Variants in PARP16 observed in about 807,000 individuals in gnomAD.
PARP16 encodes the protein protein mono-ADP-ribosyltransferase PARP16.
In PARP16, 31 loss-of-function variants were observed where a neutral mutation model predicts 35.0. That is an observed-to-expected ratio of 0.88 (90% CI 0.66 to 1.19). PARP16 has a LOEUF of 1.19. PARP16 is among the 50% of genes most tolerant of loss of function. The pLI is 0.00. For synonymous variants in PARP16, 162 were observed against 169.5 expected (o/e 0.96, Z 0.34); for missense variants, 424 against 411.2 (o/e 1.03, Z -0.27).
chr15:65,270,011 T>C (rs1483344032), intron 2 of PARP16, among the ~76,000 whole-genome samples: 1 of 152,234 alleles, frequency 6.6e-6, no homozygotes, highest in African/African-American at 2.4e-5. Flanking sequence ...GGGCTCTTTA[T>C]GGTATTTTAA....
At chr15:65,260,131 G>A (rs953868608) in intron 5 of PARP16, among the ~76,000 whole-genome samples, 2 of 152,120 alleles carry the variant, frequency 1.3e-5, no homozygotes, top group African/African-American at 2.4e-5. Context: ...GACAGGGGTC[G>A]GGAGGAGACT....
chr15:65,276,377 G>GT (rs1003982077), intron 1 of PARP16, among the ~76,000 whole-genome samples: 8 of 151,778 alleles, frequency 5.3e-5, no homozygotes, highest in African/African-American at 9.7e-5. Context: ...GACCCATTTT[G>GT]TTTTTTTTAA....
At chr15:65,264,022 T>C (rs1367693600) in intron 3 of PARP16, among the ~76,000 whole-genome samples, 1 of 151,982 alleles carries the variant, frequency 6.6e-6, no homozygotes, top group Non-Finnish European at 1.5e-5. Flanking sequence ...ATAAATAAAT[T>C]AGAAATTAGT....
At chr15:65,282,210 G>A (rs376985748) in intron 1 of PARP16, among the ~76,000 whole-genome samples, 1 of 151,954 alleles carries the variant, frequency 6.6e-6, no homozygotes, top group Non-Finnish European at 1.5e-5. Flanking sequence ...ACAGGGTTTC[G>A]CCATGTTGCC....
chr15:65,266,583 G>A lies in PARP16; in HGVS notation c.498C>T (p.Gly166=). 2 of 1,613,668 alleles carry A rather than the reference G, an allele frequency of 1.2e-6. No homozygotes were observed. The highest frequency in any genetic ancestry group is 1.3e-5 in the African/African-American group (1 of 75,014). Residue 166 remains glycine (G), a synonymous_variant, in exon 3 of 6, where the codon GGC becomes GGT. Transcript: ENST00000649807. Reference sequence around the variant, plus strand: ...CCACCTTGTTCAGATGGCAGTGCAGGCCATTGTGGATAATGGAATGGAAGT... The same window carrying A: ...CCACCTTGTTCAGATGGCAGTGCAGACCATTGTGGATAATGGAATGGAAGT... ...LENFHSIIHN[G]LHCHLNKTSL... is the part of the protein sequence containing the mutation.
chr15:65,279,731 G>A (rs1177956615), intron 1 of PARP16, among the ~76,000 whole-genome samples: 1 of 152,084 alleles, frequency 6.6e-6, no homozygotes. Flanking sequence ...CATCCAGCAG[G>A]TATGGGTGCT....
At chr15:65,257,383 G>A (rs1185559480), downstream of PARP16, among the ~76,000 whole-genome samples, 2 of 151,108 alleles carry the variant, frequency 1.3e-5, no homozygotes, top group African/African-American at 4.9e-5. Context: ...GCAATGAGCT[G>A]AGATTGCACC....
At chr15:65,285,314 T>C (rs1164642665) in intron 1 of PARP16, 1 of 159,692 alleles carries the variant, frequency 6.3e-6, no homozygotes, top group African/African-American at 2.4e-5. Flanking sequence ...ACTTTTTGTA[T>C]TTTTAATAGA....
At chr15:65,285,100 T>C (rs2090544567) in intron 1 of PARP16, among the ~76,000 whole-genome samples, 1 of 151,268 alleles carries the variant, frequency 6.6e-6, no homozygotes, top group Non-Finnish European at 1.5e-5. Flanking sequence ...TTTTCTACAA[T>C]AGTCTAGAAA....
chr15:65,260,507 C>T (rs1288638791), intron 5 of PARP16, among the ~76,000 whole-genome samples: 1 of 152,180 alleles, frequency 6.6e-6, no homozygotes, highest in African/African-American at 2.4e-5. Context: ...ACTGAGCCAG[C>T]CTGTGCACAA....
intron 3 of PARP16, 68 bp downstream of exon 3, chr15:65,266,493 CT>C: frequency 7.5e-7 from 1 of 1,327,846 alleles, no homozygotes; most frequent in Non-Finnish European, 1.1e-6. Flanking sequence ...GGTTCTGAAT[CT>C]CCCCCTCCCC....
downstream of PARP16, among the ~76,000 whole-genome samples, chr15:65,232,785 G>A (rs1014214636): frequency 1.3e-5 from 2 of 152,112 alleles, no homozygotes; most frequent in Non-Finnish European, 2.9e-5. Flanking sequence ...GCTGGGTGCA[G>A]TGGGTCACAC....
At chr15:65,237,106 G>T (rs985854788) in intron 3 of PARP16, among the ~76,000 whole-genome samples, 2 of 151,380 alleles carry the variant, frequency 1.3e-5, no homozygotes, top group Non-Finnish European at 3.0e-5. Flanking sequence ...CCAGCCAGAC[G>T]CTGAGTCAGG....
chr15:65,280,828 T>G (rs553576912), intron 1 of PARP16, among the ~76,000 whole-genome samples: 1 of 152,294 alleles, frequency 6.6e-6, no homozygotes, highest in East Asian at 1.9e-4. Flanking sequence ...AAAGACTCCT[T>G]ACTCCTCCAG....
At chr15:65,248,560 C>T (rs998157667) in intron 2 of PARP16, among the ~76,000 whole-genome samples, 8 of 152,174 alleles carry the variant, frequency 5.3e-5, no homozygotes, top group Non-Finnish European at 1.5e-5. Flanking sequence ...CTGCAACCAG[C>T]AATGCAGCTG....
chr15:65,275,548 A>G (rs2090229102), intron 1 of PARP16, among the ~76,000 whole-genome samples: 1 of 152,214 alleles, frequency 6.6e-6, no homozygotes, highest in Non-Finnish European at 1.5e-5. Flanking sequence ...TGTGACTGCC[A>G]TGACTGTCAT....
chr15:65,285,659 G>C (rs781611919), intron 1 of PARP16: 21 of 183,340 alleles, frequency 1.1e-4, no homozygotes, highest in Non-Finnish European at 1.7e-4. Context: ...AATCGATTTT[G>C]GTAAGTTATA....
chr15:65,243,184 G>C (rs1447011170), intron 3 of PARP16, among the ~76,000 whole-genome samples: 1 of 152,144 alleles, frequency 6.6e-6, no homozygotes, highest in Non-Finnish European at 1.5e-5. Context: ...GAAGTGGTAA[G>C]AACAGATATT....
In PARP16 at chr15:65,260,899, C is replaced by T. The variant is rs144462395; in HGVS notation, c.819G>A (p.Gln273=). 7.5e-4 allele frequency: 1,204 copies of T among 1,613,990 alleles called. 9 individuals are homozygous for T. The East Asian group carries it at 9.8e-3, about 13-fold the overall frequency. The change falls in exon 5 of 6, where the codon CAG becomes CAA. Residue 273 remains glutamine, a synonymous_variant. Coordinates refer to ENST00000649807, the MANE Select transcript of PARP16 (RefSeq NM_001316943.2). ...TTGGACCTTACCTCTTGGGTGGCTT[C>T]TGTGAATACACCAGGAGGTACTTCA... The part of the protein sequence containing the change: ...LRVKYLLVYS[Q]KPPKRASSQL...
Sources: allele counts gnomAD v4.1 joint callset (sites outside exome capture counted in the v4.1 genomes callset), GRCh38; gene constraint gnomAD v4.1.1; transcripts MANE v1.5; gene names NCBI Gene and HGNC (gene_info 2026-07-23, HGNC 2026-07-21).